The following RSF1 variants were observed in gnomAD, a reference collection of about 807,000 sequenced individuals.
RSF1 encodes the protein HBV pX-associated protein 8.
In RSF1, 13 loss-of-function variants were observed where a neutral mutation model predicts 145.2. The observed-to-expected ratio is 0.09, with a 90% CI of 0.06 to 0.14. RSF1 has a LOEUF of 0.14. RSF1 is among the 10% of genes least tolerant of loss of function. The pLI is 1.00. For synonymous variants in RSF1, 577 were observed against 592.6 expected, an observed-to-expected ratio of 0.97 and a Z score of 0.38; for missense variants, 1,517 against 1,718.2, an observed-to-expected ratio of 0.88 and a Z score of 2.07.
At chr11:77,733,132 T>C (rs1425647179) in intron 4 of RSF1, among the ~76,000 whole-genome samples, 1 of 152,224 alleles carries the variant, frequency 6.6e-6, no homozygotes, top group East Asian at 1.9e-4. Flanking sequence ...TTTGTTAACA[T>C]TTGAAGAAAC....
intron 5 of RSF1, among the ~76,000 whole-genome samples, chr11:77,706,975 T>G (rs915882991): frequency 4.6e-5 from 7 of 152,206 alleles, no homozygotes; most frequent in Admixed American, 1.3e-4. Flanking sequence ...TATTATATTA[T>G]AGGCAAGATC....
intron 1 of RSF1, among the ~76,000 whole-genome samples, chr11:77,787,711 T>C (rs1948470903): frequency 6.6e-6 from 1 of 151,772 alleles, no homozygotes; most frequent in African/African-American, 2.4e-5. Flanking sequence ...TTAATCATAA[T>C]GCAGAACAAA....
chr11:77,849,645 G>T, the RSF1 span, among the ~76,000 whole-genome samples: 20 of 150,818 alleles, frequency 1.3e-4, no homozygotes, highest in Non-Finnish European at 2.8e-4. Flanking sequence ...TTTTTTGTGT[G>T]TTTTTTTTTA....
At chr11:77,768,369 G>A (rs180940078) in intron 1 of RSF1, among the ~76,000 whole-genome samples, 200 of 152,030 alleles carry the variant, frequency 1.3e-3, no homozygotes, top group Admixed American at 2.2e-3. Context: ...TGCCATGTTC[G>A]TCAGGCTGGT....
intron 5 of RSF1, among the ~76,000 whole-genome samples, chr11:77,705,878 A>C (rs1314119719): frequency 6.6e-6 from 1 of 152,006 alleles, no homozygotes; most frequent in Non-Finnish European, 1.5e-5. Context: ...AAACAAAAAA[A>C]CCCAACAAAC....
chr11:77,855,719 T>TC, the RSF1 span, among the ~76,000 whole-genome samples: 1 of 39,682 alleles, frequency 2.5e-5, no homozygotes, highest in African/African-American at 1.1e-4. Flanking sequence ...CAGTTTTATG[T>TC]CTTTTTTTTT....
chr11:77,751,430 G>A (rs893899816), intron 2 of RSF1, among the ~76,000 whole-genome samples: 1 of 151,110 alleles, frequency 6.6e-6, no homozygotes, highest in African/African-American at 2.4e-5. Flanking sequence ...AAGACAGGTC[G>A]CAGACCTCCC....
intron 5 of RSF1, among the ~76,000 whole-genome samples, chr11:77,709,181 C>CG (rs1960621285): frequency 6.6e-6 from 1 of 152,168 alleles, no homozygotes; most frequent in African/African-American, 2.4e-5. Context: ...TAGGACTCTA[C>CG]TCAAGTACCA....
intron 4 of RSF1, among the ~76,000 whole-genome samples, chr11:77,725,960 G>A (rs1961045238): frequency 6.6e-6 from 1 of 152,006 alleles, no homozygotes; most frequent in Non-Finnish European, 1.5e-5. Flanking sequence ...GGGTTGAAAA[G>A]AAAAGTAGGA....
At chr11:77,869,637 C>T in the RSF1 span, 2 of 1,324,990 alleles carry the variant, frequency 1.5e-6, no homozygotes, top group Non-Finnish European at 2.2e-6. Context: ...GTAGACATTT[C>T]TTGAATGAAT....
chr11:77,869,029 T>C, the RSF1 span: 1 of 342,526 alleles, frequency 2.9e-6, no homozygotes, highest in South Asian at 3.7e-5. Flanking sequence ...ATGGTAACAT[T>C]TGTGGGACAT....
At chr11:77,848,922 CTAGAAG>C in the RSF1 span, among the ~76,000 whole-genome samples, 187 of 152,116 alleles carry the variant, frequency 1.2e-3, no homozygotes, top group African/African-American at 4.2e-3. Context: ...TCCCAACTAG[CTAGAAG>C]TAGAAGTATG....
At chr11:77,846,020 A>T in the RSF1 span, among the ~76,000 whole-genome samples, 10 of 147,208 alleles carry the variant, frequency 6.8e-5, no homozygotes, top group Non-Finnish European at 1.3e-4. Flanking sequence ...TTTTTTTTTG[A>T]GAACTGGACA....
At chr11:77,843,435 C>T in the RSF1 span, among the ~76,000 whole-genome samples, 2 of 152,132 alleles carry the variant, frequency 1.3e-5, no homozygotes, top group Non-Finnish European at 2.9e-5. Context: ...AGTCCTGCTC[C>T]TCCTGGGAAG....
chr11:77,860,693 AG>A, the RSF1 span, among the ~76,000 whole-genome samples: 138 of 152,194 alleles, frequency 9.1e-4, no homozygotes, highest in Non-Finnish European at 1.7e-3. Context: ...AAAACAGTCC[AG>A]GTGAATTGAG....
At chr11:77,836,612 A>G in the RSF1 span, among the ~76,000 whole-genome samples, 2 of 152,118 alleles carry the variant, frequency 1.3e-5, no homozygotes, top group Non-Finnish European at 2.9e-5. Flanking sequence ...AATCCTCAAA[A>G]CATACTCGTT....
chr11:77,861,390 T>G, the RSF1 span, among the ~76,000 whole-genome samples: 1 of 152,222 alleles, frequency 6.6e-6, no homozygotes, highest in Non-Finnish European at 1.5e-5. Context: ...GGAGGACAGT[T>G]GTCCAGGACA....
In RSF1 at chr11:77,743,578, A is replaced by G. The variant is rs550338634; in HGVS notation, c.373-2642T>C. 2.2e-3 allele frequency among the ~76,000 whole-genome samples: 330 copies of G among 152,250 alleles called. 3 individuals are homozygous for G. The highest frequency in any genetic ancestry group is 0.014 in the South Asian group (67 of 4,822). On this transcript the variant is annotated intron_variant, in intron 3 of 15. Coordinates refer to ENST00000308488, the MANE Select transcript of RSF1 (RefSeq NM_016578.4). ...TTGTATATTGATTTTATATCTCGCA[A>G]TTTTACTGAATTCATTTATTAGTTC...
chr11:77,679,746 A>G (rs758099849), intron 11 of RSF1, among the ~76,000 whole-genome samples: 1 of 152,104 alleles, frequency 6.6e-6, no homozygotes, highest in Non-Finnish European at 1.5e-5. Context: ...AAATTATATT[A>G]TAACTGAAAT....
Sources: allele counts gnomAD v4.1 joint callset (sites outside exome capture counted in the v4.1 genomes callset), GRCh38; gene constraint gnomAD v4.1.1; transcripts MANE v1.5; gene names NCBI Gene and HGNC (gene_info 2026-07-23, HGNC 2026-07-21).